The following CLEC18A variants were observed in gnomAD, a reference collection of about 807,000 sequenced individuals.
The protein encoded by CLEC18A is mannose receptor-like 1.
CLEC18A carries 5 observed loss-of-function variants against 24.0 expected under a neutral mutation model. That is an observed-to-expected ratio of 0.21 (90% CI 0.11 to 0.44). The LOEUF is 0.44. Among genes scored for constraint, CLEC18A ranks in the 20% least tolerant of loss-of-function variants. The pLI, the probability that CLEC18A is intolerant of heterozygous loss-of-function variation, is 0.99. For missense variants in CLEC18A, 83 were observed against 233.4 expected (o/e 0.36, Z 4.20); for synonymous variants, 29 against 100.1 (o/e 0.29, Z 4.24).
At chr16:69,956,941 T>C (rs2152018722) in intron 3 of CLEC18A, among the ~76,000 whole-genome samples, 1 of 145,858 alleles carries the variant, frequency 6.9e-6, no homozygotes, top group South Asian at 2.4e-4. Flanking sequence ...GGACGTCAGG[T>C]AATCCACCTG....
upstream of CLEC18A, among the ~76,000 whole-genome samples, chr16:69,948,634 G>A (rs1389045549): frequency 4.6e-5 from 7 of 150,568 alleles, no homozygotes; most frequent in Non-Finnish European, 1.0e-4. Flanking sequence ...GCCTCACCTG[G>A]GGAAAGCTGC....
At chr16:69,954,724 G>A (rs575656840) in intron 3 of CLEC18A, 151 bp downstream of exon 3, 1 of 1,475,838 alleles carries the variant, frequency 6.8e-7, no homozygotes, top group Admixed American at 2.4e-5. Flanking sequence ...TTGATACGGA[G>A]TCTTGCTCTG....
chr16:69,965,331 C>T (rs1597217884), downstream of CLEC18A, among the ~76,000 whole-genome samples: 2 of 152,116 alleles, frequency 1.3e-5, no homozygotes, highest in South Asian at 4.2e-4. Context: ...GGAGGGCCCG[C>T]TCTCCGGCTC....
chr16:69,945,794 C>T (rs1329839001), upstream of CLEC18A, among the ~76,000 whole-genome samples: 1 of 152,236 alleles, frequency 6.6e-6, no homozygotes, highest in Non-Finnish European at 1.5e-5. Flanking sequence ...TCTGTCTCTA[C>T]TAAAAATACA....
downstream of CLEC18A, among the ~76,000 whole-genome samples, chr16:69,965,649 C>G (rs1473664082): frequency 1.4e-5 from 2 of 147,000 alleles, no homozygotes; most frequent in Non-Finnish European, 3.0e-5. Flanking sequence ...GACCTGCTCC[C>G]GAGGGGGTCC....
chr16:69,952,645 G>A lies in CLEC18A; in HGVS notation c.216+519G>A, dbSNP rs1278800438. The stretch of plus-strand genomic sequence containing the variant: ...ATTTTCCACATTTTCAGCAGGGGCC[G>A]GGGGTCGGGGGTATAGAATTCCCCA... On this transcript the variant is annotated intron_variant, in intron 2 of 11. Transcript: ENST00000288040. 2.3e-3 allele frequency: 352 copies of A among 150,702 alleles called. 2 individuals carry two copies. Among genetic ancestry groups the A allele is most frequent in the African/African-American group, 7.5e-3 (305 of 40,456 alleles). The allele number at this position is 150,702 out of a possible 1,614,324, so 9.3% of individuals were successfully genotyped here.
chr16:69,954,980 A>T (rs868711575), intron 3 of CLEC18A, among the ~76,000 whole-genome samples: 6 of 148,798 alleles, frequency 4.0e-5, no homozygotes, highest in African/African-American at 1.5e-4. Context: ...GATTACAGGC[A>T]TGAGCCACTG....
intron 3 of CLEC18A, among the ~76,000 whole-genome samples, chr16:69,956,450 G>A (rs2059037330): frequency 7.9e-6 from 1 of 126,338 alleles, no homozygotes; most frequent in African/African-American, 3.4e-5. Context: ...CCGCCTCCTG[G>A]GTTCACACCA....
At chr16:69,949,192 TC>T (rs2058922380), upstream of CLEC18A, among the ~76,000 whole-genome samples, 2 of 100,486 alleles carry the variant, frequency 2.0e-5, no homozygotes, top group Admixed American at 2.1e-4. Context: ...CCTCAAGTGA[TC>T]CGCCTGCCTT....
At chr16:69,965,284 C>G (rs1045004442), downstream of CLEC18A, among the ~76,000 whole-genome samples, 5 of 151,788 alleles carry the variant, frequency 3.3e-5, no homozygotes, top group Admixed American at 1.3e-4. Flanking sequence ...CGCAAGGTCG[C>G]CTGCGAGCGC....
At chr16:69,948,512 T>G (rs906229451), upstream of CLEC18A, among the ~76,000 whole-genome samples, 14 of 151,838 alleles carry the variant, frequency 9.2e-5, no homozygotes, top group African/African-American at 2.9e-4. Flanking sequence ...AGAAGAGGTA[T>G]CAGCTATGCA....
upstream of CLEC18A, among the ~76,000 whole-genome samples, chr16:69,946,763 T>C (rs1023185825): frequency 3.7e-5 from 5 of 133,702 alleles, 1 homozygote; most frequent in African/African-American, 1.5e-4. Context: ...TGTGTAGAAA[T>C]GCAGTGGATT....
upstream of CLEC18A, among the ~76,000 whole-genome samples, chr16:69,946,373 T>C (rs1431868573): frequency 7.2e-6 from 1 of 138,994 alleles, no homozygotes; most frequent in Non-Finnish European, 1.6e-5. Context: ...AATGTTGTTT[T>C]ACAGTTTTAT....
chr16:69,954,749 GTGC>G (rs2059010947), intron 3 of CLEC18A, among the ~76,000 whole-genome samples, 176 bp downstream of exon 3: 1 of 152,004 alleles, frequency 6.6e-6, no homozygotes, highest in African/African-American at 2.4e-5. Context: ...CCAGGCTAGA[GTGC>G]AGTGGCGTGA....
At chr16:69,953,116 C>T (rs2152013151) in intron 2 of CLEC18A, 1 of 152,476 alleles carries the variant, frequency 6.6e-6, no homozygotes, top group South Asian at 2.1e-4. Flanking sequence ...TCCTAGAAAA[C>T]TTCATTTCCG....
rs2059023195 is a variant in CLEC18A, at chr16:69,955,562, G to T, written c.456+989G>T. On this transcript the variant is annotated intron_variant, in intron 3 of 11. Coordinates refer to ENST00000288040, the MANE Select transcript of CLEC18A (RefSeq NM_001370523.4). Reference sequence around the variant, plus strand: ...GATAGGGTTTCACCATGCTGGCCAGGCTGGGTCTCAAACTCCTGACCTCAA... The same window carrying T: ...GATAGGGTTTCACCATGCTGGCCAGTCTGGGTCTCAAACTCCTGACCTCAA... 2.0e-5 allele frequency among the ~76,000 whole-genome samples: 3 copies of T among 150,852 alleles called. No individual in the cohort carries two copies. The South Asian group carries it at 6.4e-4, about 32-fold the overall frequency.
At chr16:69,964,662 G>A (rs1335065125), downstream of CLEC18A, among the ~76,000 whole-genome samples, 6 of 151,014 alleles carry the variant, frequency 4.0e-5, no homozygotes, top group African/African-American at 1.5e-4. Flanking sequence ...ACCACGCCCG[G>A]CTAATTTGTT....
downstream of CLEC18A, among the ~76,000 whole-genome samples, chr16:69,965,472 G>A (rs1165982495): frequency 6.6e-6 from 1 of 151,744 alleles, no homozygotes; most frequent in African/African-American, 2.4e-5. Flanking sequence ...TGGGTGACCC[G>A]GGCGCGCGCT....
At chr16:69,964,378 A>C (rs1201191954), downstream of CLEC18A, 2 of 151,084 alleles carry the variant, frequency 1.3e-5, no homozygotes, top group Admixed American at 6.6e-5. Context: ...TCACTATCCC[A>C]GTTTACAGCA....
Sources: gnomAD v4.1 joint callset for allele counts (sites outside exome capture counted in the v4.1 genomes callset) on GRCh38, gnomAD v4.1.1 for gene constraint, MANE v1.5 for transcripts, NCBI Gene and HGNC (gene_info 2026-07-23, HGNC 2026-07-21) for gene names.